Variants in PCDHGA8 observed in about 807,000 individuals in gnomAD.
The protein encoded by PCDHGA8 is protocadherin gamma-A8.
PCDHGA8 carries 45 observed loss-of-function variants against 59.2 expected under a neutral mutation model. The observed-to-expected ratio is 0.76, with a 90% CI of 0.60 to 0.98. PCDHGA8 has a LOEUF of 0.98. Ranked by LOEUF, PCDHGA8 falls within the 50% of genes least tolerant of loss-of-function variation. The probability of loss-of-function intolerance (pLI) is 0.00; values close to 1 mark genes in which losing one functional copy is unlikely to be tolerated. For synonymous variants in PCDHGA8, 531 were observed against 519.0 expected (o/e 1.02, Z -0.32); for missense variants, 1,257 against 1,196.2 (o/e 1.05, Z -0.75).
chr5:141,421,201 C>A, intron 1 of PCDHGA8: 3 of 1,518,204 alleles, frequency 2.0e-6, no homozygotes, highest in Non-Finnish European at 2.6e-6. Context: ...GCTCGAGAAA[C>A]CGCGGAATAT....
rs2098293800 is a variant in PCDHGA8 at position 141,442,043 on chromosome 5, A to G, written c.2424+46806A>G. The G allele has an allele frequency of 1.9e-5, 4 of 205,506 alleles. No homozygotes were observed. In the South Asian group the frequency reaches 2.4e-4, roughly 12 times the overall value. The allele number at this position is 205,506 out of a possible 1,614,324, so 12.7% of individuals were successfully genotyped here. A position where few individuals can be genotyped will look rare whatever the true frequency, so the allele number is the denominator to read the frequency against. On this transcript the variant is annotated intron_variant, in intron 1 of 3. Transcript: ENST00000398604. ...ACAGGAAAGCGACTCGCCAGCGCCTACTGGTCGCGGTGCACTGCGGTGGAC... is the reference window on the plus strand; with the variant it reads ...ACAGGAAAGCGACTCGCCAGCGCCTGCTGGTCGCGGTGCACTGCGGTGGAC...
rs934366037 is a variant in PCDHGA8, at chr5:141,408,906, C to T, written c.2424+13669C>T. On this transcript the variant is annotated intron_variant, in intron 1 of 3. Transcript: ENST00000398604. Reference sequence around the variant, plus strand: ...CACATAGAAATTTCTGTCAAGGATACCAATGATAACCCCCCGGTTTTCAGC... The same window carrying T: ...CACATAGAAATTTCTGTCAAGGATATCAATGATAACCCCCCGGTTTTCAGC... 2.5e-6 allele frequency: 4 copies of T among 1,613,136 alleles called. No homozygotes were observed. The African/African-American group carries it at 4.0e-5, about 16-fold the overall frequency.
chr5:141,486,504 A>G lies in PCDHGA8; in HGVS notation c.2425-8303A>G. ...AGTACCCACAGAACTATTTTCCTCA[A>G]TATTTCAGATGTGAATGATAATCCA... On this transcript the variant is annotated intron_variant, in intron 1 of 3. Transcript: ENST00000398604. The surrounding 1 kb of genome is among the most constrained non-coding windows in gnomAD (Gnocchi z 5.0). 7.4e-6 allele frequency: 12 copies of G among 1,614,100 alleles called. No individual in the cohort carries two copies. Among genetic ancestry groups the G allele is most frequent in the Non-Finnish European group, 1.0e-5 (12 of 1,179,986 alleles).
Position 141,477,098 on chromosome 5 carries a change from G to A in PCDHGA8, c.2425-17709G>A, listed in dbSNP as rs1562059777. 1.9e-6 allele frequency: 3 copies of A among 1,614,124 alleles called. No individual in the cohort carries two copies. The highest frequency in any genetic ancestry group is 3.3e-5 in the Admixed American group (2 of 60,008). The stretch of plus-strand genomic sequence containing the variant: ...GATTTACATCCAGGCCAAAGACAAG[G>A]GCGCCAATCCCGAAGGAGCACATTG... On this transcript the variant is annotated intron_variant, in intron 1 of 3. Coordinates refer to ENST00000398604, the MANE Select transcript of PCDHGA8 (RefSeq NM_032088.2). This position sits in a 1 kb window ranked among gnomAD's most constrained non-coding sequence, Gnocchi z 4.9.
chr5:141,427,435 T>G, intron 1 of PCDHGA8: 1 of 474,160 alleles, frequency 2.1e-6, no homozygotes, highest in Non-Finnish European at 4.2e-6. Context: ...ACATGCCTCA[T>G]AAACGAAAGA....
At chr5:141,397,943 C>T in intron 1 of PCDHGA8, 1 of 892,874 alleles carries the variant, frequency 1.1e-6, no homozygotes, top group South Asian at 1.8e-5. Flanking sequence ...GCGCGCTTTC[C>T]AGGGCAGCCC....
chr5:141,504,224 C>T (rs2099836716), intron 2 of PCDHGA8, among the ~76,000 whole-genome samples: 2 of 152,160 alleles, frequency 1.3e-5, no homozygotes, highest in African/African-American at 4.8e-5. Flanking sequence ...TAGAGCTGAA[C>T]CTTCTAAGAA....
Position 141,490,920 on chromosome 5 carries a change from T to A in PCDHGA8, c.2425-3887T>A. 1.2e-6 allele frequency: 2 copies of A among 1,613,638 alleles called. No homozygotes were observed. The highest frequency in any genetic ancestry group is 1.7e-6 in the Non-Finnish European group (2 of 1,179,684). The stretch of plus-strand genomic sequence containing the variant: ...TGTTTGTCCTAGACGAGAATGATAA[T>A]GCCCCAGCTGTGCTGCACCCACGGC... On this transcript the variant is annotated intron_variant, in intron 1 of 3. Coordinates refer to ENST00000398604, the MANE Select transcript of PCDHGA8 (RefSeq NM_032088.2). This position sits in a 1 kb window ranked among gnomAD's most constrained non-coding sequence, Gnocchi z 5.4.
In PCDHGA8 at chr5:141,512,267, G is replaced by C. The variant is rs2099884152; in HGVS notation, c.*1094G>C. On this transcript the variant is annotated 3_prime_UTR_variant, in exon 4 of 4. Coordinates refer to ENST00000398604, the MANE Select transcript of PCDHGA8 (RefSeq NM_032088.2). ...GCCTCTGTGGGTGCTGGGTACTCCA[G>C]AGGTGCCACTGGTGGAAGGGTCAGC... 2.6e-5 allele frequency: 4 copies of C among 152,744 alleles called. No homozygotes were observed. Among genetic ancestry groups the C allele is most frequent in the Admixed American group, 2.6e-4 (4 of 15,290 alleles). 9.5% of individuals were successfully genotyped at this position (152,744 alleles called of 1,614,324 possible). A position where few individuals can be genotyped will look rare whatever the true frequency, so the allele number is the denominator to read the frequency against.
At chr5:141,430,980 T>C in intron 1 of PCDHGA8, 1 of 1,613,618 alleles carries the variant, frequency 6.2e-7, no homozygotes, top group African/African-American at 1.3e-5. Context: ...AGGACGCAGC[T>C]TTTCGCCCTG....
rs762687404 is a variant in PCDHGA8 at position 141,486,468 on chromosome 5, A to G, written c.2425-8339A>G. Reference sequence around the variant, plus strand: ...ATGGTCACTGCTTCTGATGCTGGGAACCCTCCTCTCAGTACCCACAGAACT... The same window carrying G: ...ATGGTCACTGCTTCTGATGCTGGGAGCCCTCCTCTCAGTACCCACAGAACT... On this transcript the variant is annotated intron_variant, in intron 1 of 3. Transcript: ENST00000398604. This position sits in a 1 kb window ranked among gnomAD's most constrained non-coding sequence, Gnocchi z 5.0. The G allele has an allele frequency of 1.2e-6, 2 of 1,612,906 alleles. No individual in the cohort carries two copies. Among genetic ancestry groups the G allele is most frequent in the Middle Eastern group, 1.6e-4 (1 of 6,062 alleles).
intron 1 of PCDHGA8, among the ~76,000 whole-genome samples, chr5:141,446,739 T>A (rs1292920572): frequency 2.6e-5 from 4 of 152,180 alleles, no homozygotes; most frequent in African/African-American, 7.2e-5. Flanking sequence ...AGTGTGGGGA[T>A]TACAGGCGTG....
chr5:141,491,243 ATGAGGACCC>A lies in PCDHGA8; in HGVS notation c.2425-3557_2425-3549del. 1 of 1,614,200 alleles carries A rather than the reference ATGAGGACCC, an allele frequency of 6.2e-7. No individual in the cohort carries two copies. Among genetic ancestry groups the A allele is most frequent in the African/African-American group, 1.3e-5 (1 of 75,056 alleles). ...GCCACAGTGCTGCTGGTTCTGGAGG[ATGAGGACCC>A]TGAGGAAATGCCCAAATCCAGTGAC... On this transcript the variant is annotated intron_variant, in intron 1 of 3. Coordinates refer to ENST00000398604, the MANE Select transcript of PCDHGA8 (RefSeq NM_032088.2). This position sits in a 1 kb window ranked among gnomAD's most constrained non-coding sequence, Gnocchi z 6.9.
chr5:141,491,071 C>T lies in PCDHGA8; in HGVS notation c.2425-3736C>T, dbSNP rs987564933. 1 of 1,614,152 alleles carries T rather than the reference C, an allele frequency of 6.2e-7. No individual in the cohort carries two copies. Among genetic ancestry groups the T allele is most frequent in the Non-Finnish European group, 8.5e-7 (1 of 1,180,028 alleles). ...TGCGTGGCTCTCCTACTCACTGTTGCCACAGTCCACAGCCCCAGGACTGTT... is the reference window on the plus strand; with the variant it reads ...TGCGTGGCTCTCCTACTCACTGTTGTCACAGTCCACAGCCCCAGGACTGTT... On this transcript the variant is annotated intron_variant, in intron 1 of 3. Transcript: ENST00000398604. This position sits in a 1 kb window ranked among gnomAD's most constrained non-coding sequence, Gnocchi z 6.9.
At chr5:141,455,959 G>A (rs112864392) in intron 1 of PCDHGA8, among the ~76,000 whole-genome samples, 2 of 150,430 alleles carry the variant, frequency 1.3e-5, no homozygotes. Flanking sequence ...GTGCAGTGGC[G>A]CGATCTCAGC....
In PCDHGA8 at chr5:141,393,003, G is replaced by A. The variant is rs1202314944; in HGVS notation, c.190G>A (p.Val64Ile). The A allele has an allele frequency of 6.2e-7, 1 of 1,613,882 alleles. No individual in the cohort carries two copies. Among genetic ancestry groups the A allele is most frequent in the East Asian group, 2.2e-5 (1 of 44,876 alleles). ...CCCCCGGAAGCTGGCGAAGCACGGAGTCCGTATCGTCTCCAGAGGTAGGAC... is the reference window on the plus strand; with the variant it reads ...CCCCCGGAAGCTGGCGAAGCACGGAATCCGTATCGTCTCCAGAGGTAGGAC... ...LDPRKLAKHG[V>I]RIVSRGRTQL... Residue 64 changes from valine to isoleucine, a missense_variant, in exon 1 of 4, where the codon GTC (valine) becomes ATC (isoleucine). Coordinates refer to ENST00000398604, the MANE Select transcript of PCDHGA8 (RefSeq NM_032088.2).
chr5:141,459,529 G>A (rs1201996126), intron 1 of PCDHGA8, among the ~76,000 whole-genome samples: 2 of 152,134 alleles, frequency 1.3e-5, no homozygotes, highest in African/African-American at 2.4e-5. Context: ...ATTTTTGTAG[G>A]CATATTTTTT....
Position 141,486,895 on chromosome 5 carries a change from C to T in PCDHGA8, c.2425-7912C>T, listed in dbSNP as rs1286004461. ...TCCGTCCTCGGGCCCGGCCTGGTTC[C>T]TTATGTCCCCAAGCACTGCCTCCAT... On this transcript the variant is annotated intron_variant, in intron 1 of 3. Coordinates refer to ENST00000398604, the MANE Select transcript of PCDHGA8 (RefSeq NM_032088.2). This position sits in a 1 kb window ranked among gnomAD's most constrained non-coding sequence, Gnocchi z 5.0. 3 of 1,614,134 alleles carry T rather than the reference C, an allele frequency of 1.9e-6. No homozygotes were observed. The highest frequency in any genetic ancestry group is 3.3e-5 in the Admixed American group (2 of 60,012).
chr5:141,484,805 A>G (rs1594417928), intron 1 of PCDHGA8, among the ~76,000 whole-genome samples: 1 of 151,896 alleles, frequency 6.6e-6, no homozygotes, highest in East Asian at 1.9e-4. Context: ...CCGTGGAAAA[A>G]CATGCCGTTG....
Sources: gnomAD v4.1 joint callset for allele counts (sites outside exome capture counted in the v4.1 genomes callset) on GRCh38, gnomAD v4.1.1 for gene constraint, Gnocchi (gnomAD v3.1) non-coding constraint, MANE v1.5 for transcripts, NCBI Gene and HGNC (gene_info 2026-07-23, HGNC 2026-07-21) for gene names.